Variants in PCDH15 observed in about 807,000 individuals in gnomAD.
PCDH15 encodes protocadherin related 15, also known as protocadherin-15.
Under a neutral mutation model 178.5 loss-of-function variants are expected in PCDH15, and 129 were observed. That is an observed-to-expected ratio of 0.72 (90% confidence interval 0.63 to 0.84). PCDH15 has a LOEUF of 0.84. Among genes scored for constraint, PCDH15 ranks in the 40% least tolerant of loss-of-function variants. The probability of loss-of-function intolerance (pLI) is 0.00; values close to 1 mark genes in which losing one functional copy is unlikely to be tolerated. For synonymous variants in PCDH15, 800 were observed against 732.0 expected (o/e 1.09, Z -1.50); for missense variants, 2,230 against 2,099.9 (o/e 1.06, Z -1.21).
chr10:54,622,257 T>G (rs1000402978), intron 2 of PCDH15, among the ~76,000 whole-genome samples: 11 of 151,622 alleles, frequency 7.3e-5, no homozygotes, highest in African/African-American at 2.2e-4. Flanking sequence ...AATTTATGTG[T>G]GTGTGTGTGT....
At chr10:54,901,518 C>G (rs770853327) in intron 2 of PCDH15, among the ~76,000 whole-genome samples, 1 of 151,964 alleles carries the variant, frequency 6.6e-6, no homozygotes, top group Non-Finnish European at 1.5e-5. Context: ...ATGAATTTGC[C>G]TTATATTTTA....
At chr10:55,286,307 T>C (rs1842868265) in intron 1 of PCDH15, among the ~76,000 whole-genome samples, 1 of 151,956 alleles carries the variant, frequency 6.6e-6, no homozygotes, top group African/African-American at 2.4e-5. Flanking sequence ...TGCTAATTCA[T>C]ATAAATTTTA....
intron 18 of PCDH15, among the ~76,000 whole-genome samples, chr10:54,064,528 A>T (rs1480466600): frequency 2.6e-5 from 4 of 151,908 alleles, no homozygotes; most frequent in African/African-American, 9.7e-5. Context: ...GCCATCAATC[A>T]TGTTGTTCAT....
chr10:55,435,657 A>G (rs1306157260), intron 2 of PCDH15, among the ~76,000 whole-genome samples: 2 of 152,108 alleles, frequency 1.3e-5, no homozygotes, highest in Non-Finnish European at 2.9e-5. Flanking sequence ...AAAAGATGGG[A>G]AAAAAAGTGG....
intron 3 of PCDH15, 32 bp from the exon 4 acceptor site, chr10:54,378,974 A>G (rs954043025): frequency 1.9e-6 from 3 of 1,611,016 alleles, no homozygotes; most frequent in African/African-American, 1.3e-5. Context: ...TTGAAAACAT[A>G]TTCTACTCAT....
intron 2 of PCDH15, among the ~76,000 whole-genome samples, chr10:54,959,726 G>C (rs1201432574): frequency 6.6e-6 from 1 of 152,002 alleles, no homozygotes; most frequent in Admixed American, 6.5e-5. Context: ...AGGAACTAAA[G>C]GAATAGTGTG....
At chr10:55,623,322 GT>G (rs1837447795) in intron 2 of PCDH15, among the ~76,000 whole-genome samples, 1 of 152,048 alleles carries the variant, frequency 6.6e-6, no homozygotes, top group Admixed American at 6.5e-5. Context: ...TGGTTTTTTT[GT>G]TGTTGTTTTG....
At chr10:55,274,977 T>G (rs1301864228) in intron 1 of PCDH15, among the ~76,000 whole-genome samples, 3 of 152,098 alleles carry the variant, frequency 2.0e-5, no homozygotes, top group Non-Finnish European at 4.4e-5. Context: ...TAGGGACCCC[T>G]GCATTAAAGC....
In PCDH15 at chr10:54,975,928, G is replaced by A. The variant is rs567438014; in HGVS notation, c.-79-78428C>T. Reference sequence around the variant, plus strand: ...TACTGTCAGTTATGAATTTTAGAACGCAAGTTTTTTTTGAAATTTTATTGT... The same window carrying A: ...TACTGTCAGTTATGAATTTTAGAACACAAGTTTTTTTTGAAATTTTATTGT... On this transcript the variant is annotated intron_variant, in intron 2 of 5. Coordinates refer to the PCDH15 transcript ENST00000458638. Among the ~76,000 whole-genome samples, 15 of 152,146 alleles carry A rather than the reference G, an allele frequency of 9.9e-5. No homozygotes were observed. The South Asian group carries it at 2.3e-3, about 23-fold the overall frequency.
At chr10:54,817,825 A>T (rs1381963778) in intron 3 of PCDH15, among the ~76,000 whole-genome samples, 1 of 152,006 alleles carries the variant, frequency 6.6e-6, no homozygotes, top group African/African-American at 2.4e-5. Flanking sequence ...TCTGAAAGTT[A>T]TTTTCATTTT....
chr10:55,461,346 G>T (rs963532432), intron 2 of PCDH15, among the ~76,000 whole-genome samples: 2 of 152,116 alleles, frequency 1.3e-5, no homozygotes, highest in African/African-American at 2.4e-5. Flanking sequence ...TAAATACAGT[G>T]CCTATTACAC....
intron 2 of PCDH15, among the ~76,000 whole-genome samples, chr10:55,495,368 A>C (rs1182696917): frequency 2.0e-5 from 3 of 151,820 alleles, no homozygotes; most frequent in Non-Finnish European, 1.5e-5. Flanking sequence ...TAAATCTGAT[A>C]AGGGACTTCT....
intron 2 of PCDH15, among the ~76,000 whole-genome samples, chr10:54,559,652 T>G (rs2087792855): frequency 6.6e-6 from 1 of 151,810 alleles, no homozygotes; most frequent in Admixed American, 6.6e-5. Flanking sequence ...GTTGGTTTGT[T>G]CCCACAATAA....
chr10:55,387,426 C>T (rs1414139132), intron 2 of PCDH15, among the ~76,000 whole-genome samples: 1 of 152,084 alleles, frequency 6.6e-6, no homozygotes, highest in Non-Finnish European at 1.5e-5. Flanking sequence ...AAAATTTTCA[C>T]TGTTAGAAAA....
chr10:55,158,099 C>T (rs75830032), intron 2 of PCDH15, among the ~76,000 whole-genome samples: 5,007 of 26,318 alleles, frequency 0.19, 94 homozygotes, highest in South Asian at 0.26. Flanking sequence ...TATATATATA[C>T]ACATATCTTT....
intron 11 of PCDH15, among the ~76,000 whole-genome samples, chr10:54,191,751 C>CAAAA (rs10564694): frequency 1.6e-4 from 21 of 130,438 alleles, no homozygotes; most frequent in African/African-American, 4.7e-4. Flanking sequence ...ACAAAAAATG[C>CAAAA]AAAAAAAAAA....
intron 7 of PCDH15, among the ~76,000 whole-genome samples, chr10:54,324,361 A>C (rs1476754826): frequency 6.6e-6 from 1 of 152,158 alleles, no homozygotes; most frequent in Non-Finnish European, 1.5e-5. Flanking sequence ...TCTTGTTAGG[A>C]AAGATAGCTA....
intron 14 of PCDH15, among the ~76,000 whole-genome samples, chr10:54,134,011 A>C (rs2042674128): frequency 7.4e-6 from 1 of 135,590 alleles, no homozygotes; most frequent in Admixed American, 7.5e-5. Context: ...CATTTGTTAT[A>C]ATTTCTATTT....
intron 17 of PCDH15, among the ~76,000 whole-genome samples, chr10:54,067,331 T>C (rs2094155141): frequency 6.6e-6 from 1 of 152,192 alleles, no homozygotes; most frequent in South Asian, 2.1e-4. Context: ...CAAATGAGCA[T>C]TTTCTGGAAA....
Sources: gnomAD v4.1 joint callset for allele counts (sites outside exome capture counted in the v4.1 genomes callset) on GRCh38, gnomAD v4.1.1 for gene constraint, MANE v1.5 for transcripts, NCBI Gene and HGNC (gene_info 2026-07-23, HGNC 2026-07-21) for gene names.